WDR49: variants seen among roughly 807,000 people sequenced by gnomAD.
WDR49 encodes the protein cilia- and flagella-associated protein 337.
WDR49 carries 107 observed loss-of-function variants against 119.5 expected under a neutral mutation model. The observed-to-expected ratio is 0.90, with a 90% CI of 0.77 to 1.05. The LOEUF (loss-of-function observed/expected upper bound fraction) is 1.05, where lower values mean the gene tolerates loss of function less well. Ranked by LOEUF, WDR49 falls within the 50% of genes least tolerant of loss-of-function variation. The probability of loss-of-function intolerance (pLI) is 0.00; values close to 1 mark genes in which losing one functional copy is unlikely to be tolerated. For missense variants in WDR49, 1,240 were observed against 1,220.5 expected, an observed-to-expected ratio of 1.02 and a Z score of -0.24; for synonymous variants, 425 against 418.8, an observed-to-expected ratio of 1.01 and a Z score of -0.18.
chr3:167,586,400 C>T (rs1234365514), intron 7 of WDR49, among the ~76,000 whole-genome samples: 1 of 152,230 alleles, frequency 6.6e-6, no homozygotes, highest in Admixed American at 6.5e-5. Flanking sequence ...AAGCAAAATA[C>T]GATTGAACTC....
intron 7 of WDR49, among the ~76,000 whole-genome samples, chr3:167,597,146 G>A (rs1268693399): frequency 6.6e-6 from 1 of 152,304 alleles, no homozygotes; most frequent in African/African-American, 2.4e-5. Context: ...CCTGGCCCAG[G>A]GTCCTGCTGC....
At chr3:167,517,479 T>C (rs552782940) in intron 16 of WDR49, among the ~76,000 whole-genome samples, 2 of 152,310 alleles carry the variant, frequency 1.3e-5, no homozygotes, top group East Asian at 3.9e-4. Context: ...TGCAGGAAAT[T>C]GAAACCGGTC....
intron 10 of WDR49, among the ~76,000 whole-genome samples, chr3:167,547,461 C>T (rs185656723): frequency 4.6e-5 from 7 of 151,494 alleles, no homozygotes; most frequent in African/African-American, 1.5e-4. Flanking sequence ...CCACATCTAA[C>T]GTCATGTTTA....
At chr3:167,512,028 G>T (rs979021523) in intron 16 of WDR49, among the ~76,000 whole-genome samples, 12 of 152,170 alleles carry the variant, frequency 7.9e-5, no homozygotes, top group Admixed American at 7.2e-4. Context: ...CTTTCCTTCT[G>T]CTGGCTCTGA....
intron 2 of WDR49, among the ~76,000 whole-genome samples, chr3:167,628,053 G>A (rs929805796): frequency 6.6e-5 from 10 of 151,906 alleles, no homozygotes; most frequent in Admixed American, 2.0e-4. Flanking sequence ...TACTGTAATT[G>A]TTTTGGGGCA....
intron 7 of WDR49, among the ~76,000 whole-genome samples, chr3:167,593,885 A>G (rs979538007): frequency 6.6e-6 from 1 of 152,082 alleles, no homozygotes; most frequent in Non-Finnish European, 1.5e-5. Context: ...GGGAATTGTC[A>G]CAAGATCTGA....
At chr3:167,505,094 T>G (rs924176380) in intron 17 of WDR49, among the ~76,000 whole-genome samples, 2 of 152,196 alleles carry the variant, frequency 1.3e-5, no homozygotes, top group Non-Finnish European at 2.9e-5. Flanking sequence ...ACTAAGACCT[T>G]ACACTTTTTC....
intron 15 of WDR49, 87 bp downstream of exon 15, chr3:167,527,733 C>G (rs188195215): frequency 6.1e-6 from 8 of 1,314,938 alleles, no homozygotes; most frequent in Non-Finnish European, 7.3e-6. Flanking sequence ...GAACATTAAA[C>G]AGCTGATGAG....
chr3:167,547,845 A>C (rs140002629), intron 10 of WDR49, among the ~76,000 whole-genome samples: 6 of 152,140 alleles, frequency 3.9e-5, no homozygotes, highest in Non-Finnish European at 8.8e-5. Flanking sequence ...TGTCAATGAA[A>C]TAAAACAGCA....
intron 5 of WDR49, among the ~76,000 whole-genome samples, chr3:167,607,763 C>T (rs1022117284): frequency 1.3e-5 from 2 of 152,152 alleles, no homozygotes; most frequent in Admixed American, 1.3e-4. Context: ...CCAAACCAAG[C>T]CCCTAATTTA....
At chr3:167,638,981 A>G (rs1192306411) in intron 2 of WDR49, among the ~76,000 whole-genome samples, 1 of 151,680 alleles carries the variant, frequency 6.6e-6, no homozygotes, top group East Asian at 1.9e-4. Flanking sequence ...TTAAATAAAG[A>G]TGATCATCAC....
At chr3:167,526,496 C>T (rs1577218161) in intron 15 of WDR49, among the ~76,000 whole-genome samples, 1 of 152,184 alleles carries the variant, frequency 6.6e-6, no homozygotes, top group South Asian at 2.1e-4. Context: ...AAGCAGGCTT[C>T]CACCCTCTTT....
At chr3:167,637,060 C>T (rs1392567019) in intron 2 of WDR49, among the ~76,000 whole-genome samples, 3 of 151,830 alleles carry the variant, frequency 2.0e-5, no homozygotes, top group Non-Finnish European at 2.9e-5. Flanking sequence ...GTCATGAAAT[C>T]CTTGCCTAAG....
chr3:167,493,098 G>A (rs922168846), intron 18 of WDR49, among the ~76,000 whole-genome samples: 4 of 152,094 alleles, frequency 2.6e-5, no homozygotes, highest in Admixed American at 2.6e-4. Flanking sequence ...AGGAGAAATG[G>A]ATTTCTTTTC....
At chr3:167,494,264 T>C (rs1751260452) in intron 18 of WDR49, among the ~76,000 whole-genome samples, 1 of 152,192 alleles carries the variant, frequency 6.6e-6, no homozygotes, top group Non-Finnish European at 1.5e-5. Context: ...AGCAGAGAGC[T>C]GACTGCACAC....
chr3:167,621,894 C>T (rs555219768), intron 3 of WDR49, among the ~76,000 whole-genome samples: 1 of 152,220 alleles, frequency 6.6e-6, no homozygotes, highest in South Asian at 2.1e-4. Flanking sequence ...ACACAGTCAC[C>T]AACATCCCCA....
At chr3:167,598,240 G>C (rs545449627) in intron 7 of WDR49, among the ~76,000 whole-genome samples, 35 of 151,046 alleles carry the variant, frequency 2.3e-4, no homozygotes, top group Non-Finnish European at 4.7e-4. Context: ...AGGAGGCAGA[G>C]GTTGCAGTGA....
chr3:167,617,566 T>C (rs770372187), intron 5 of WDR49, among the ~76,000 whole-genome samples: 8 of 152,246 alleles, frequency 5.3e-5, no homozygotes, highest in South Asian at 2.1e-4. Context: ...AAACCTTTTT[T>C]TTAAAGAAAG....
intron 18 of WDR49, among the ~76,000 whole-genome samples, chr3:167,485,554 G>A (rs1247784917): frequency 6.6e-6 from 1 of 151,832 alleles, no homozygotes; most frequent in East Asian, 1.9e-4. Flanking sequence ...ATATTAAATA[G>A]CTATTTTAAG....
Sources: gnomAD v4.1 joint callset for allele counts (sites outside exome capture counted in the v4.1 genomes callset) on GRCh38, gnomAD v4.1.1 for gene constraint, MANE v1.5 for transcripts, NCBI Gene and HGNC (gene_info 2026-07-23, HGNC 2026-07-21) for gene names.